MSRA: variants seen among roughly 807,000 people sequenced by gnomAD.
MSRA encodes the protein mitochondrial peptide methionine sulfoxide reductase.
A neutral mutation model predicts 31.3 loss-of-function variants in MSRA; 54 were observed. That is an observed-to-expected ratio of 1.73 (90% CI 1.39 to 2.17). The LOEUF (loss-of-function observed/expected upper bound fraction) is 2.17, where lower values mean the gene tolerates loss of function less well. Among genes scored for constraint, MSRA ranks in the 30% most tolerant of loss-of-function variants. MSRA has a pLI of 0.00. For synonymous variants in MSRA, 169 were observed against 116.5 expected, an observed-to-expected ratio of 1.45 and a Z score of -2.90; for missense variants, 507 against 300.9, an observed-to-expected ratio of 1.69 and a Z score of -5.07.
At chr8:10,314,240 A>T (rs1406767745) in intron 4 of MSRA, among the ~76,000 whole-genome samples, 1 of 152,206 alleles carries the variant, frequency 6.6e-6, no homozygotes, top group Non-Finnish European at 1.5e-5. Context: ...AAAATAACAA[A>T]TTGCCAAGAA....
At chr8:10,274,149 G>C (rs776533496) in intron 3 of MSRA, among the ~76,000 whole-genome samples, 1 of 152,186 alleles carries the variant, frequency 6.6e-6, no homozygotes, top group East Asian at 1.9e-4. Context: ...AGAGAAAGAA[G>C]GGTAGGTTTG....
At chr8:10,279,557 C>G (rs12678816) in intron 3 of MSRA, among the ~76,000 whole-genome samples, 11,448 of 152,138 alleles carry the variant, frequency 0.075, 759 homozygotes, top group East Asian at 0.37. Flanking sequence ...CTCTGACTCT[C>G]CCGTTATATC....
chr8:10,305,970 A>T (rs895832864), intron 4 of MSRA, among the ~76,000 whole-genome samples: 3 of 152,196 alleles, frequency 2.0e-5, no homozygotes, highest in African/African-American at 7.2e-5. Context: ...TTTTGCTGAA[A>T]CATTTGAATC....
At chr8:10,117,323 A>T (rs1800758664) in intron 1 of MSRA, among the ~76,000 whole-genome samples, 1 of 152,294 alleles carries the variant, frequency 6.6e-6, no homozygotes, top group East Asian at 1.9e-4. Context: ...CGTGAAGGGA[A>T]AATTCCTAGA....
chr8:10,249,049 C>T (rs1017728525), intron 3 of MSRA, among the ~76,000 whole-genome samples: 2 of 152,082 alleles, frequency 1.3e-5, no homozygotes, highest in African/African-American at 4.8e-5. Context: ...CTAGAACAGC[C>T]TGGGAGAGGG....
intron 1 of MSRA, among the ~76,000 whole-genome samples, chr8:10,150,940 G>A (rs989714371): frequency 2.0e-5 from 3 of 152,042 alleles, no homozygotes; most frequent in South Asian, 2.1e-4. Flanking sequence ...GACCCGTGTC[G>A]CTCCCTGGAC....
chr8:10,241,503 G>A (rs1812409476), intron 2 of MSRA, among the ~76,000 whole-genome samples: 2 of 152,326 alleles, frequency 1.3e-5, no homozygotes, highest in South Asian at 2.1e-4. Context: ...AAGACACTAT[G>A]TAAATGGATG....
At chr8:10,215,050 G>C (rs1353097588) in intron 2 of MSRA, among the ~76,000 whole-genome samples, 1 of 152,218 alleles carries the variant, frequency 6.6e-6, no homozygotes, top group Non-Finnish European at 1.5e-5. Context: ...CATATGTTTA[G>C]AGTATGGAAG....
chr8:10,278,431 G>A (rs1224443491), intron 3 of MSRA, among the ~76,000 whole-genome samples: 9 of 152,194 alleles, frequency 5.9e-5, no homozygotes, highest in Admixed American at 5.9e-4. Flanking sequence ...AACACACTTT[G>A]GTGGGTGGCT....
intron 3 of MSRA, among the ~76,000 whole-genome samples, chr8:10,246,124 A>G (rs1473628077): frequency 6.6e-6 from 1 of 152,232 alleles, no homozygotes; most frequent in African/African-American, 2.4e-5. Context: ...TTGTTGAAGC[A>G]CAGCTATTCT....
At chr8:10,312,706 A>G (rs7829021) in intron 4 of MSRA, among the ~76,000 whole-genome samples, 5,766 of 152,292 alleles carry the variant, frequency 0.038, 334 homozygotes, top group African/African-American at 0.12. Context: ...ATCATGACCA[A>G]TTTTAGTTTC....
chr8:10,380,932 G>T (rs1806030129), intron 5 of MSRA, among the ~76,000 whole-genome samples: 1 of 151,892 alleles, frequency 6.6e-6, no homozygotes, highest in Non-Finnish European at 1.5e-5. Context: ...TGGATGGATG[G>T]GTGGTGGGAG....
intron 1 of MSRA, among the ~76,000 whole-genome samples, chr8:10,054,931 G>C (rs185481118): frequency 1.4e-4 from 22 of 152,366 alleles, no homozygotes; most frequent in African/African-American, 5.0e-4. Context: ...CTTACCCGGA[G>C]TGCATACCGT....
chr8:10,290,703 G>A (rs1240637619), intron 3 of MSRA, among the ~76,000 whole-genome samples: 2 of 152,124 alleles, frequency 1.3e-5, no homozygotes, highest in Non-Finnish European at 2.9e-5. Flanking sequence ...GTAGCCCACT[G>A]ACAACAAGGC....
intron 3 of MSRA, among the ~76,000 whole-genome samples, chr8:10,257,770 C>A (rs1032503861): frequency 6.6e-6 from 1 of 152,172 alleles, no homozygotes; most frequent in Admixed American, 6.5e-5. Context: ...AGCAGAGTCT[C>A]ATTTAGAAGG....
chr8:10,264,549 C>A (rs1017028070), intron 3 of MSRA, among the ~76,000 whole-genome samples: 4 of 152,206 alleles, frequency 2.6e-5, no homozygotes, highest in Admixed American at 1.3e-4. Flanking sequence ...AAGCTGCTCC[C>A]AGTGGAGCCC....
intron 5 of MSRA, among the ~76,000 whole-genome samples, chr8:10,348,691 C>T (rs1330329183): frequency 6.6e-6 from 1 of 152,054 alleles, no homozygotes; most frequent in Non-Finnish European, 1.5e-5. Context: ...AGTAGAAGTT[C>T]AGTTCATACT....
chr8:10,244,220 T>A (rs570802626), intron 2 of MSRA, among the ~76,000 whole-genome samples: 24 of 152,184 alleles, frequency 1.6e-4, no homozygotes, highest in Non-Finnish European at 3.2e-4. Flanking sequence ...GTAATCTTTT[T>A]TACATCTAGA....
rs72198519 is a variant in MSRA, at chr8:10,330,006, ATGTGTGTG to A, written c.543+10048_543+10055del. On this transcript the variant is annotated intron_variant, in intron 5 of 5. Transcript: ENST00000317173. ...AGAAGGATATTTGGGAGAGAAAAAA[ATGTGTGTG>A]TGTGTGTGTGTGTGTGTGTGTGTGT... Among the ~76,000 whole-genome samples the A allele has an allele frequency of 4.9e-3, 667 of 135,446 alleles. 6 individuals carry two copies. Among genetic ancestry groups the A allele is most frequent in the African/African-American group, 0.013 (474 of 36,814 alleles). The allele number at this position is 135,446 out of a possible 152,430, so 88.9% of individuals were successfully genotyped here.
Sources: allele counts gnomAD v4.1 joint callset (sites outside exome capture counted in the v4.1 genomes callset), GRCh38; gene constraint gnomAD v4.1.1; transcripts MANE v1.5; gene names NCBI Gene and HGNC (gene_info 2026-07-23, HGNC 2026-07-21).